SKIC3: variants seen among roughly 807,000 people sequenced by gnomAD.
The protein encoded by SKIC3 is SKI3 subunit of superkiller complex.
the SKIC3 span, among the ~76,000 whole-genome samples, chr5:95,498,064 G>C: frequency 6.6e-6 from 1 of 151,934 alleles, no homozygotes; most frequent in Non-Finnish European, 1.5e-5. Context: ...CATCAATCTA[G>C]ACAGTACCAG....
the SKIC3 span, among the ~76,000 whole-genome samples, chr5:95,496,939 A>G: frequency 6.6e-6 from 1 of 152,224 alleles, no homozygotes; most frequent in African/African-American, 2.4e-5. Flanking sequence ...CTACAAACTA[A>G]AATATAGTAT....
the SKIC3 span, chr5:95,541,426 G>T: frequency 6.4e-7 from 1 of 1,573,612 alleles, no homozygotes; most frequent in South Asian, 1.1e-5. Flanking sequence ...TTTTGAATCT[G>T]ATTAATAAAA....
the SKIC3 span, among the ~76,000 whole-genome samples, chr5:95,531,170 CATA>C: frequency 7.2e-5 from 11 of 152,050 alleles, no homozygotes; most frequent in African/African-American, 2.7e-4. Context: ...AAATTATTTG[CATA>C]ATACCATGTA....
At chr5:95,496,966 T>C in the SKIC3 span, among the ~76,000 whole-genome samples, 1 of 152,162 alleles carries the variant, frequency 6.6e-6, no homozygotes, top group Non-Finnish European at 1.5e-5. Context: ...CTTCATAGAG[T>C]GTCAGTGACT....
At chr5:95,554,852 CG>C in the SKIC3 span, 1 of 168,574 alleles carries the variant, frequency 5.9e-6, no homozygotes, top group African/African-American at 2.4e-5. Context: ...TGAACAGCCC[CG>C]GCCCCGATCC....
the SKIC3 span, among the ~76,000 whole-genome samples, chr5:95,537,664 C>T: frequency 1.3e-5 from 2 of 152,118 alleles, no homozygotes; most frequent in Non-Finnish European, 2.9e-5. Flanking sequence ...GAAGAACATT[C>T]CATCACTTCT....
At chr5:95,529,482 C>A in the SKIC3 span, 1 of 316,984 alleles carries the variant, frequency 3.2e-6, no homozygotes, top group South Asian at 3.1e-5. Context: ...CTTGCTAGGC[C>A]CTTCTACAAT....
At chr5:95,523,083 T>C in the SKIC3 span, 5 of 1,361,356 alleles carry the variant, frequency 3.7e-6, no homozygotes, top group South Asian at 1.2e-5. Flanking sequence ...CAATCAATCA[T>C]AAAGTAATTT....
the SKIC3 span, chr5:95,512,346 T>A: frequency 9.7e-7 from 1 of 1,029,992 alleles, no homozygotes; most frequent in East Asian, 2.7e-5. Flanking sequence ...TGCTTCGCTG[T>A]TGCAAAAAGA....
At chr5:95,499,458 G>A in the SKIC3 span, among the ~76,000 whole-genome samples, 3 of 152,154 alleles carry the variant, frequency 2.0e-5, no homozygotes, top group African/African-American at 4.8e-5. Flanking sequence ...TGTGCAGCCT[G>A]CAGAACCTTG....
the SKIC3 span, among the ~76,000 whole-genome samples, chr5:95,471,087 CAAGT>C: frequency 1.3e-5 from 2 of 152,040 alleles, no homozygotes; most frequent in Non-Finnish European, 2.9e-5. Flanking sequence ...TTTGTATAAT[CAAGT>C]AAGAGGAAGC....
chr5:95,470,943 T>C, the SKIC3 span, among the ~76,000 whole-genome samples: 1 of 152,198 alleles, frequency 6.6e-6, no homozygotes, highest in Non-Finnish European at 1.5e-5. Context: ...GAAGATTTCA[T>C]AACCACAAGT....
the SKIC3 span, among the ~76,000 whole-genome samples, chr5:95,552,779 T>A: frequency 6.6e-6 from 1 of 151,944 alleles, no homozygotes; most frequent in African/African-American, 2.4e-5. Flanking sequence ...GCAAAAATGT[T>A]GTACGTTCAC....
chr5:95,517,155 A>C, the SKIC3 span: 1 of 1,613,378 alleles, frequency 6.2e-7, no homozygotes, highest in Non-Finnish European at 8.5e-7. Context: ...CCTTCCTCCA[A>C]GGTGGAGGAG....
chr5:95,496,345 C>T, the SKIC3 span, among the ~76,000 whole-genome samples: 18 of 152,066 alleles, frequency 1.2e-4, no homozygotes, highest in Non-Finnish European at 2.2e-4. Flanking sequence ...TAATTTTAAT[C>T]CTGAAAGATG....
chr5:95,525,273 T>G, the SKIC3 span: 1 of 905,942 alleles, frequency 1.1e-6, no homozygotes, highest in Non-Finnish European at 1.8e-6. Flanking sequence ...ATACTAAAAC[T>G]TAAAGCCTAC....
the SKIC3 span, chr5:95,513,354 C>T: frequency 5.8e-6 from 3 of 513,574 alleles, no homozygotes; most frequent in South Asian, 2.0e-5. Context: ...CAGGTATACA[C>T]CATCATACCT....
chr5:95,469,420 G>A, the SKIC3 span, among the ~76,000 whole-genome samples: 1 of 152,160 alleles, frequency 6.6e-6, no homozygotes, highest in African/African-American at 2.4e-5. Context: ...GTAGCCTTGT[G>A]TTGGGGTCTT....
the SKIC3 span, chr5:95,494,648 G>C: frequency 6.3e-7 from 1 of 1,590,900 alleles, no homozygotes; most frequent in Non-Finnish European, 8.6e-7. Context: ...GAAAAAAAAA[G>C]AATTGGAATT....
Sources: allele counts gnomAD v4.1 joint callset (sites outside exome capture counted in the v4.1 genomes callset), GRCh38; gene constraint gnomAD v4.1.1; transcripts MANE v1.5; gene names NCBI Gene and HGNC (gene_info 2026-07-23, HGNC 2026-07-21).